PSMD8: variants seen among roughly 807,000 people sequenced by gnomAD.
The protein encoded by PSMD8 is 26S proteasome non-ATPase regulatory subunit 8.
PSMD8 carries 30 observed loss-of-function variants against 40.0 expected under a neutral mutation model. The observed-to-expected ratio is 0.75, with a 90% CI of 0.56 to 1.02. The LOEUF is 1.02. Ranked by LOEUF, PSMD8 falls within the 50% of genes least tolerant of loss-of-function variation. The pLI is 0.00. For synonymous variants in PSMD8, 208 were observed against 192.5 expected (o/e 1.08, Z -0.67); for missense variants, 461 against 463.9 (o/e 0.99, Z 0.06).
chr19:38,375,055 C>T, intron 1 of PSMD8, 94 bp downstream of exon 1: 1 of 1,500,524 alleles, frequency 6.7e-7, no homozygotes, highest in Non-Finnish European at 8.9e-7. Flanking sequence ...GCGGAAGCCA[C>T]CTCGGTGCCA....
intron 1 of PSMD8, chr19:38,375,170 G>A: frequency 1.2e-6 from 1 of 833,892 alleles, no homozygotes; most frequent in Non-Finnish European, 1.8e-6. Context: ...AGGGAGCGTT[G>A]ATGGTCACGC....
chr19:38,376,503 C>T (rs1970599882), intron 3 of PSMD8, 49 bp downstream of exon 3: 4 of 1,456,348 alleles, frequency 2.7e-6, no homozygotes, highest in Non-Finnish European at 3.8e-6. Context: ...CATGGAAGCT[C>T]CTTTATTTCT....
Position 38,376,201 on chromosome 19 carries a change from C to G in PSMD8, c.402C>G (p.Thr134=). Residue 134 remains threonine, a synonymous_variant, in exon 2 of 7, where the codon ACC becomes ACG. Coordinates refer to ENST00000215071, the MANE Select transcript of PSMD8 (RefSeq NM_002812.5). ...TCAACTTCTTGCCAACCACAGGGAC[C>G]AAGCTGACCAAACAGCAGCTAATTC... ...LELNFLPTTG[T]KLTKQQLILA... is the part of the protein sequence containing the mutation. 1 of 1,608,400 alleles carries G rather than the reference C, an allele frequency of 6.2e-7. No individual in the cohort carries two copies. The highest frequency in any genetic ancestry group is 1.1e-5 in the South Asian group (1 of 89,682).
At chr19:38,376,036 C>A in intron 1 of PSMD8, 124 bp from the exon 2 acceptor site, 1 of 940,272 alleles carries the variant, frequency 1.1e-6, no homozygotes, top group Non-Finnish European at 1.6e-6. Context: ...AGAAAGCATT[C>A]CTCATGAGTC....
intron 3 of PSMD8, among the ~76,000 whole-genome samples, chr19:38,377,898 C>A (rs1195301154): frequency 6.6e-6 from 1 of 152,202 alleles, no homozygotes; most frequent in Non-Finnish European, 1.5e-5. Context: ...CCTCGGCCTC[C>A]CAAAGTGCTT....
intron 4 of PSMD8, among the ~76,000 whole-genome samples, chr19:38,380,147 C>T (rs546330198): frequency 5.3e-5 from 8 of 151,722 alleles, no homozygotes; most frequent in Non-Finnish European, 1.0e-4. Flanking sequence ...ACTAGCCAGG[C>T]GGATGGTGGG....
Position 38,381,083 on chromosome 19 carries a change from C to A in PSMD8, c.803+84C>A. ...GCTCCGAGTCTGAATCTCATTCCAGCCATTGGTTGTCTGGGTAGGCTAGGT... is the reference window on the plus strand; with the variant it reads ...GCTCCGAGTCTGAATCTCATTCCAGACATTGGTTGTCTGGGTAGGCTAGGT... On this transcript the variant is annotated intron_variant, in intron 5 of 6. Coordinates refer to ENST00000215071, the MANE Select transcript of PSMD8 (RefSeq NM_002812.5). The A allele has an allele frequency of 8.0e-6, 9 of 1,123,218 alleles. No homozygotes were observed. The South Asian group carries it at 1.1e-4, about 14-fold the overall frequency. 69.6% of individuals were successfully genotyped at this position (1,123,218 alleles called of 1,614,324 possible).
At position 38,374,732 on chromosome 19, in the gene PSMD8, C is replaced by A. The variant is rs768240567; in HGVS notation, c.131C>A (p.Ala44Glu). ...ACCTCTCGGCCCCACTTCCGCCGGG[C>A]AAGCGTTTGTAGGCGGCGCTGCCGT... The part of the protein sequence containing the change: ...GSTSRPHFRR[A>E]SVCRRRCRKS... Residue 44 changes from alanine (A) to glutamate (E), a missense_variant, in exon 1 of 7, where the codon GCA (alanine) becomes GAA (glutamate). Ala to Glu is a moderately radical substitution (Grantham distance 107). This residue lies in a region of PSMD8 where 225 missense variants were observed against 142.7 expected (regional missense o/e 1.58). Coordinates refer to ENST00000215071, the MANE Select transcript of PSMD8 (RefSeq NM_002812.5). 2 of 1,551,120 alleles carry A rather than the reference C, an allele frequency of 1.3e-6. No homozygotes were observed. Among genetic ancestry groups the A allele is most frequent in the African/African-American group, 2.7e-5 (2 of 73,336 alleles).
chr19:38,376,252 G>T lies in PSMD8; in HGVS notation c.433+20G>T, dbSNP rs1490218370. The T allele has an allele frequency of 6.3e-7, 1 of 1,582,516 alleles. No individual in the cohort carries two copies. Among genetic ancestry groups the T allele is most frequent in the African/African-American group, 1.3e-5 (1 of 74,278 alleles). On this transcript the variant is annotated intron_variant, in intron 2 of 6. Coordinates refer to ENST00000215071, the MANE Select transcript of PSMD8 (RefSeq NM_002812.5). ...TGGCCCGTGAGTGTCACTGGGGTTGGTTGGGGGTGATAATCTGGGGGTCAT... is the reference window on the plus strand; with the variant it reads ...TGGCCCGTGAGTGTCACTGGGGTTGTTTGGGGGTGATAATCTGGGGGTCAT...
Position 38,382,328 on chromosome 19 carries a change from GT to G in PSMD8, c.915+103del. 3 of 940,870 alleles carry G rather than the reference GT, an allele frequency of 3.2e-6. No homozygotes were observed. In the South Asian group the frequency reaches 4.2e-5, roughly 13 times the overall value. 58.3% of individuals were successfully genotyped at this position (940,870 alleles called of 1,614,324 possible). ...GGGACACTGGAACAAGACTGCCCAG[GT>G]TTAAGTTCAACTGTGTGACTCTAGG... On this transcript the variant is annotated intron_variant, in intron 6 of 6. Coordinates refer to ENST00000215071, the MANE Select transcript of PSMD8 (RefSeq NM_002812.5).
chr19:38,382,237 G>A lies in PSMD8; in HGVS notation c.915+9G>A. 2 of 1,575,108 alleles carry A rather than the reference G, an allele frequency of 1.3e-6. No homozygotes were observed. Among genetic ancestry groups the A allele is most frequent in the Non-Finnish European group, 1.7e-6 (2 of 1,159,986 alleles). The stretch of plus-strand genomic sequence containing the variant: ...CAGACTACGCCAAGAAGGTGGCTGG[G>A]GTACAGGGCAAGGGGCCGTGGGACC... On this transcript the variant is annotated intron_variant, in intron 6 of 6. Coordinates refer to ENST00000215071, the MANE Select transcript of PSMD8 (RefSeq NM_002812.5).
In PSMD8 at chr19:38,379,384, G is replaced by A. The variant is rs1422673045; in HGVS notation, c.681G>A (p.Lys227=). The A allele has an allele frequency of 6.2e-7, 1 of 1,613,974 alleles. No individual in the cohort carries two copies. Among genetic ancestry groups the A allele is most frequent in the Non-Finnish European group, 8.5e-7 (1 of 1,179,876 alleles). ...ACATACAGACCAATGTCTACATCAA[G>A]CACCCAGTGTCCCTGGAGCAAGTGA... The part of the protein sequence containing the change: ...AKDIQTNVYI[K]HPVSLEQYLM... Residue 227 remains lysine, a synonymous_variant, in exon 4 of 7, where the codon AAG becomes AAA. Transcript: ENST00000215071.
intron 1 of PSMD8, 58 bp downstream of exon 1, chr19:38,375,019 G>A (rs1237777448): frequency 7.8e-6 from 12 of 1,530,386 alleles, no homozygotes; most frequent in Non-Finnish European, 9.6e-6. Context: ...GCTACGAGGT[G>A]TCTGGACCCA....
intron 4 of PSMD8, 94 bp from the exon 5 acceptor site, chr19:38,380,805 C>T (rs566874378): frequency 3.1e-6 from 3 of 980,606 alleles, no homozygotes; most frequent in South Asian, 3.4e-5. Flanking sequence ...AAAGGGATTA[C>T]AGGGGCACTA....
Position 38,381,000 on chromosome 19 carries a change from G to A in PSMD8, c.803+1G>A. ...TTGACATCCTGCTCGACACTATCAG[G>A]TGCGTAGCGGGGCCGGGCCCTGTGG... On this transcript the variant is annotated splice_donor_variant, in intron 5 of 6. Transcript: ENST00000215071. LOFTEE classifies it high-confidence loss of function. The A allele has an allele frequency of 1.3e-6, 2 of 1,566,914 alleles. No homozygotes were observed. The highest frequency in any genetic ancestry group is 8.7e-7 in the Non-Finnish European group (1 of 1,154,824).
intron 6 of PSMD8, 27 bp from the exon 7 acceptor site, chr19:38,383,226 T>G (rs773030176): frequency 6.2e-7 from 1 of 1,611,970 alleles, no homozygotes; most frequent in Non-Finnish European, 8.5e-7. Flanking sequence ...ATCACTCTAC[T>G]CGTCTCTAAT....
At position 38,374,669 on chromosome 19, in the gene PSMD8, T is replaced by A. The variant is rs1162870545; in HGVS notation, c.68T>A (p.Leu23Gln). 1 of 1,535,132 alleles carries A rather than the reference T, an allele frequency of 6.5e-7. No homozygotes were observed. The highest frequency in any genetic ancestry group is 8.7e-7 in the Non-Finnish European group (1 of 1,144,624). ...RERRRATRGG[L>Q]RQVVAPPRAL... is the part of the protein sequence containing the mutation. ...CGACGGCGGGCTACCCGGGGCGGGC[T>A]GAGGCAGGTTGTAGCCCCGCCCCGG... The change falls in exon 1 of 7, where the codon CTG becomes CAG. Residue 23 changes from leucine (L) to glutamine (Q), a missense_variant. Around this residue, in one of 2 missense-constraint regions of PSMD8, gnomAD observed 225 missense variants for 142.7 expected, o/e 1.58. Coordinates refer to ENST00000215071, the MANE Select transcript of PSMD8 (RefSeq NM_002812.5).
At chr19:38,376,876 C>T (rs1264782915) in intron 3 of PSMD8, among the ~76,000 whole-genome samples, 1 of 152,248 alleles carries the variant, frequency 6.6e-6, no homozygotes, top group African/African-American at 2.4e-5. Flanking sequence ...CCAGCTCACA[C>T]CCCTCTGCCT....
intron 5 of PSMD8, 81 bp from the exon 6 acceptor site, chr19:38,382,036 C>G (rs1568388713): frequency 3.1e-6 from 3 of 970,374 alleles, no homozygotes; most frequent in Admixed American, 4.1e-5. Flanking sequence ...AGGGTCAGAG[C>G]TGACACATGT....
Sources: gnomAD v4.1 joint callset for allele counts (sites outside exome capture counted in the v4.1 genomes callset) on GRCh38, gnomAD v4.1.1 for gene constraint, gnomAD v4.1.1 regional missense constraint, MANE v1.5 for transcripts, NCBI Gene and HGNC (gene_info 2026-07-23, HGNC 2026-07-21) for gene names.